Variants in TMEM74 observed in about 807,000 individuals in gnomAD.
TMEM74 encodes the protein transmembrane protein 74.
In TMEM74, 13 loss-of-function variants were observed where a neutral mutation model predicts 18.1. The observed-to-expected ratio is 0.72, with a 90% CI of 0.47 to 1.14. TMEM74 has a LOEUF of 1.14. Among genes scored for constraint, TMEM74 ranks in the 50% most tolerant of loss-of-function variants. TMEM74 has a pLI of 0.00. For synonymous variants in TMEM74, 159 were observed against 146.6 expected, an observed-to-expected ratio of 1.08 and a Z score of -0.61; for missense variants, 372 against 375.9, an observed-to-expected ratio of 0.99 and a Z score of 0.09.
At chr8:108,723,022 TAG>T (rs1322720821) in intron 1 of TMEM74, among the ~76,000 whole-genome samples, 1 of 152,152 alleles carries the variant, frequency 6.6e-6, no homozygotes, top group Non-Finnish European at 1.5e-5. Context: ...GAGGTGCAGG[TAG>T]AGTGTTCCTT....
chr8:108,710,476 T>C (rs890951864), intron 1 of TMEM74, among the ~76,000 whole-genome samples: 2 of 152,212 alleles, frequency 1.3e-5, no homozygotes, highest in Non-Finnish European at 2.9e-5. Context: ...AAGCCAACTG[T>C]TATGGCCAGG....
At chr8:108,698,785 G>C (rs747297635) in intron 1 of TMEM74, among the ~76,000 whole-genome samples, 7 of 151,958 alleles carry the variant, frequency 4.6e-5, no homozygotes, top group Non-Finnish European at 1.0e-4. Context: ...TCCAAACTAT[G>C]GTAATATTAC....
chr8:108,634,011 C>T (rs1295319788), intron 2 of TMEM74, among the ~76,000 whole-genome samples: 1 of 151,784 alleles, frequency 6.6e-6, no homozygotes, highest in African/African-American at 2.4e-5. Flanking sequence ...TGAATACAAG[C>T]CAAAGAGAGA....
chr8:108,663,312 A>C (rs1812918467), intron 1 of TMEM74, among the ~76,000 whole-genome samples: 1 of 152,204 alleles, frequency 6.6e-6, no homozygotes, highest in African/African-American at 2.4e-5. Context: ...GGACATGAAG[A>C]GACACTTCTC....
chr8:108,689,702 G>C (rs565139252), intron 1 of TMEM74, among the ~76,000 whole-genome samples: 1 of 152,138 alleles, frequency 6.6e-6, no homozygotes, highest in East Asian at 1.9e-4. Flanking sequence ...CCATTTGTGC[G>C]ACCAACACAT....
At chr8:108,650,874 C>A (rs1812767760) in intron 2 of TMEM74, among the ~76,000 whole-genome samples, 1 of 152,074 alleles carries the variant, frequency 6.6e-6, no homozygotes, top group Admixed American at 6.6e-5. Context: ...CCACACCCAG[C>A]TAATTTTTGT....
chr8:108,725,227 A>G (rs1813624892), intron 1 of TMEM74, among the ~76,000 whole-genome samples: 1 of 152,190 alleles, frequency 6.6e-6, no homozygotes, highest in Admixed American at 6.5e-5. Context: ...AAATCTTTCA[A>G]GAATGTCATC....
At chr8:108,674,040 G>C (rs980310956) in intron 1 of TMEM74, among the ~76,000 whole-genome samples, 1 of 152,132 alleles carries the variant, frequency 6.6e-6, no homozygotes, top group Admixed American at 6.6e-5. Context: ...AATTCAGCTT[G>C]AATTTTACAG....
chr8:108,743,661 T>G (rs1334604645), intron 1 of TMEM74, among the ~76,000 whole-genome samples: 2 of 152,200 alleles, frequency 1.3e-5, no homozygotes, highest in Admixed American at 1.3e-4. Context: ...TTTTCTTGGC[T>G]CTTATGATAG....
chr8:108,747,448 G>T (rs1018427295), intron 1 of TMEM74, among the ~76,000 whole-genome samples: 2 of 152,082 alleles, frequency 1.3e-5, no homozygotes, highest in Non-Finnish European at 2.9e-5. Context: ...AAAGCTAAGG[G>T]TAAGAGTATC....
intron 2 of TMEM74, among the ~76,000 whole-genome samples, chr8:108,623,245 T>C (rs1812460645): frequency 6.6e-6 from 1 of 152,086 alleles, no homozygotes; most frequent in Admixed American, 6.6e-5. Context: ...ACAAATTAGG[T>C]CCTTTCTAAA....
chr8:108,615,462 C>T (rs1812373711), intron 2 of TMEM74, among the ~76,000 whole-genome samples: 3 of 152,144 alleles, frequency 2.0e-5, no homozygotes, highest in Non-Finnish European at 2.9e-5. Flanking sequence ...GTTAACAGGC[C>T]CTTACTTTTC....
chr8:108,616,311 G>A (rs1812382959), intron 2 of TMEM74, among the ~76,000 whole-genome samples: 1 of 152,134 alleles, frequency 6.6e-6, no homozygotes, highest in South Asian at 2.1e-4. Context: ...TGATGTCAAA[G>A]TAAACAAATA....
intron 1 of TMEM74, among the ~76,000 whole-genome samples, chr8:108,683,632 T>C (rs1398779190): frequency 1.3e-5 from 2 of 152,006 alleles, no homozygotes; most frequent in African/African-American, 2.4e-5. Context: ...ATGGGGTACA[T>C]AGTGATATTT....
intron 2 of TMEM74, among the ~76,000 whole-genome samples, chr8:108,631,293 G>C (rs1005264310): frequency 6.6e-6 from 1 of 151,990 alleles, no homozygotes; most frequent in African/African-American, 2.4e-5. Flanking sequence ...GCTGCAGGTA[G>C]TGGAGTGTGA....
intron 2 of TMEM74, chr8:108,652,768 G>A (rs1360822897): frequency 5.7e-6 from 3 of 528,836 alleles, no homozygotes; most frequent in African/African-American, 1.9e-5. Context: ...CAAAGGCTGT[G>A]TATCAATTTG....
At chr8:108,640,958 T>C (rs915330685) in intron 2 of TMEM74, among the ~76,000 whole-genome samples, 23 of 152,330 alleles carry the variant, frequency 1.5e-4, no homozygotes, top group African/African-American at 5.5e-4. Context: ...TTTTAGATGA[T>C]ATAAAGTGAT....
intron 2 of TMEM74, among the ~76,000 whole-genome samples, chr8:108,646,458 G>A (rs1812721366): frequency 1.3e-5 from 2 of 152,122 alleles, no homozygotes. Context: ...TTAAATGCAA[G>A]ATTTCAAAAT....
intron 1 of TMEM74, among the ~76,000 whole-genome samples, chr8:108,691,793 T>C (rs1813234017): frequency 6.6e-6 from 1 of 152,156 alleles, no homozygotes; most frequent in Non-Finnish European, 1.5e-5. Flanking sequence ...CAAATGGATA[T>C]AGGAGACATA....
Sources: gnomAD v4.1 joint callset for allele counts (sites outside exome capture counted in the v4.1 genomes callset) on GRCh38, gnomAD v4.1.1 for gene constraint, MANE v1.5 for transcripts, NCBI Gene and HGNC (gene_info 2026-07-23, HGNC 2026-07-21) for gene names.